Variants in INPP4B observed in about 807,000 individuals in gnomAD.
INPP4B encodes inositol polyphosphate-4-phosphatase type II B.
A neutral mutation model predicts 122.5 loss-of-function variants in INPP4B; 55 were observed. That is an observed-to-expected ratio of 0.45 (90% CI 0.36 to 0.56). The LOEUF (loss-of-function observed/expected upper bound fraction) is 0.56. Ranked by LOEUF, INPP4B falls within the 20% of genes least tolerant of loss-of-function variation. The pLI, the probability that INPP4B is intolerant of heterozygous loss-of-function variation, is 0.00. For synonymous variants in INPP4B, 403 were observed against 388.7 expected, an observed-to-expected ratio of 1.04 and a Z score of -0.43; for missense variants, 1,000 against 1,097.7, an observed-to-expected ratio of 0.91 and a Z score of 1.26.
At chr4:142,841,149 T>G (rs1311569090) in intron 1 of INPP4B, among the ~76,000 whole-genome samples, 1 of 152,014 alleles carries the variant, frequency 6.6e-6, no homozygotes, top group East Asian at 1.9e-4. Flanking sequence ...TCTAGCAAGT[T>G]TCGCATAAGA....
chr4:142,455,603 G>A lies in INPP4B; in HGVS notation c.-127+7060C>T, dbSNP rs548925860. Among the ~76,000 whole-genome samples the A allele has an allele frequency of 3.9e-5, 6 of 152,092 alleles. No homozygotes were observed. In the East Asian group the frequency reaches 1.2e-3, roughly 29 times the overall value. Reference sequence around the variant, plus strand: ...GCTGCTTCCAACTATTGTGAACAGTGCTATAACAAACATGGGAATGCAGAT... The same window carrying A: ...GCTGCTTCCAACTATTGTGAACAGTACTATAACAAACATGGGAATGCAGAT... On this transcript the variant is annotated intron_variant, in intron 3 of 25. Coordinates refer to ENST00000262992, the MANE Select transcript of INPP4B (RefSeq NM_001101669.3).
chr4:142,254,015 G>A (rs1441056127), intron 11 of INPP4B, among the ~76,000 whole-genome samples: 1 of 138,510 alleles, frequency 7.2e-6, no homozygotes, highest in Non-Finnish European at 1.6e-5. Context: ...TCTGAGAACG[G>A]GCAGACTGCC....
At chr4:142,445,682 C>T (rs1467122130) in intron 3 of INPP4B, among the ~76,000 whole-genome samples, 1 of 152,254 alleles carries the variant, frequency 6.6e-6, no homozygotes, top group Non-Finnish European at 1.5e-5. Context: ...ACACTACCAA[C>T]AACTTGACCT....
intron 7 of INPP4B, among the ~76,000 whole-genome samples, chr4:142,354,244 C>T (rs897510411): frequency 6.6e-6 from 1 of 151,980 alleles, no homozygotes; most frequent in Non-Finnish European, 1.5e-5. Context: ...ATGGGCTCAG[C>T]AAATGTGTAT....
chr4:142,312,411 G>T (rs1030924122), intron 8 of INPP4B, among the ~76,000 whole-genome samples: 2 of 152,162 alleles, frequency 1.3e-5, no homozygotes, highest in African/African-American at 4.8e-5. Flanking sequence ...GAAGCCAAGA[G>T]GGTCTGGTGC....
At chr4:142,229,550 A>G (rs1429954395) in intron 12 of INPP4B, among the ~76,000 whole-genome samples, 1 of 152,148 alleles carries the variant, frequency 6.6e-6, no homozygotes, top group Non-Finnish European at 1.5e-5. Context: ...TACACATCCC[A>G]TTGAGGGCTT....
intron 8 of INPP4B, among the ~76,000 whole-genome samples, chr4:142,313,787 A>C (rs192752385): frequency 1.6e-3 from 251 of 152,338 alleles, no homozygotes; most frequent in African/African-American, 5.6e-3. Flanking sequence ...GTTAGGCATG[A>C]GAAAGCAAGA....
At chr4:142,219,598 C>T (rs1018550866) in intron 12 of INPP4B, among the ~76,000 whole-genome samples, 5 of 152,100 alleles carry the variant, frequency 3.3e-5, no homozygotes, top group Non-Finnish European at 7.4e-5. Context: ...TCTAAGTAGC[C>T]GTGGAAGTTA....
At chr4:142,757,475 C>A (rs1176463877) in intron 1 of INPP4B, among the ~76,000 whole-genome samples, 1 of 152,110 alleles carries the variant, frequency 6.6e-6, no homozygotes, top group African/African-American at 2.4e-5. Flanking sequence ...ACCACTAATC[C>A]TTTAACTGTC....
intron 2 of INPP4B, among the ~76,000 whole-genome samples, chr4:142,567,379 A>G (rs1731844585): frequency 1.3e-5 from 2 of 152,122 alleles, no homozygotes; most frequent in East Asian, 1.9e-4. Flanking sequence ...GTCGCTGATC[A>G]CTAACTACAA....
intron 2 of INPP4B, among the ~76,000 whole-genome samples, chr4:142,522,577 C>A (rs1044348797): frequency 6.6e-6 from 1 of 151,856 alleles, no homozygotes; most frequent in East Asian, 1.9e-4. Flanking sequence ...TCATCATATG[C>A]CAAGTCTGTA....
chr4:142,209,170 T>G (rs1404544691), intron 12 of INPP4B, 144 bp from the exon 13 acceptor site: 13 of 484,582 alleles, frequency 2.7e-5, no homozygotes, highest in African/African-American at 3.9e-5. Flanking sequence ...GCTTAAATAT[T>G]TTTTAAAAAT....
chr4:142,257,128 A>G (rs1170233556), intron 11 of INPP4B, among the ~76,000 whole-genome samples: 2 of 152,190 alleles, frequency 1.3e-5, no homozygotes, highest in Admixed American at 6.5e-5. Flanking sequence ...CAATAGATGC[A>G]GAAAAGGCCT....
At chr4:142,122,298 A>G in intron 20 of INPP4B, 53 bp from the exon 21 acceptor site, 4 of 1,256,368 alleles carry the variant, frequency 3.2e-6, no homozygotes, top group Non-Finnish European at 4.6e-6. Flanking sequence ...GGAAAATGTC[A>G]CTAGCTACTA....
intron 11 of INPP4B, among the ~76,000 whole-genome samples, chr4:142,256,518 G>A (rs1561646338): frequency 1.3e-5 from 2 of 151,928 alleles, no homozygotes; most frequent in Admixed American, 1.3e-4. Flanking sequence ...AATGACAAAG[G>A]GGATATCACC....
chr4:142,068,700 G>C (rs1765150361), intron 25 of INPP4B, among the ~76,000 whole-genome samples: 1 of 152,106 alleles, frequency 6.6e-6, no homozygotes, highest in African/African-American at 2.4e-5. Context: ...TGATAAAACA[G>C]CCTTTAAACC....
intron 17 of INPP4B, among the ~76,000 whole-genome samples, chr4:142,150,564 T>G (rs1579085243): frequency 6.6e-6 from 1 of 152,166 alleles, no homozygotes; most frequent in East Asian, 1.9e-4. Flanking sequence ...CAACTGGCTA[T>G]AAAATTTTCC....
At chr4:142,624,932 C>G (rs369540776) in intron 2 of INPP4B, among the ~76,000 whole-genome samples, 3 of 151,930 alleles carry the variant, frequency 2.0e-5, no homozygotes, top group Admixed American at 1.3e-4. Context: ...AATTCAACAA[C>G]GCTTCATGCT....
intron 5 of INPP4B, among the ~76,000 whole-genome samples, chr4:142,409,088 G>A (rs758277529): frequency 6.6e-6 from 1 of 152,168 alleles, no homozygotes; most frequent in Non-Finnish European, 1.5e-5. Flanking sequence ...ATTCTACTAT[G>A]AGTAGCTGTG....
Sources: gnomAD v4.1 joint callset for allele counts (sites outside exome capture counted in the v4.1 genomes callset) on GRCh38, gnomAD v4.1.1 for gene constraint, MANE v1.5 for transcripts, NCBI Gene and HGNC (gene_info 2026-07-23, HGNC 2026-07-21) for gene names.